LRBA: variants seen among roughly 807,000 people sequenced by gnomAD.
LRBA encodes lipopolysaccharide-responsive and beige-like anchor protein.
A neutral mutation model predicts 330.0 loss-of-function variants in LRBA; 176 were observed. The ratio of observed to expected loss-of-function variants is 0.53; its 90% CI spans 0.47 to 0.60. The LOEUF is 0.60. Ranked by LOEUF, LRBA falls within the 20% of genes least tolerant of loss-of-function variation. The probability of loss-of-function intolerance (pLI) is 0.00; values close to 1 mark genes in which losing one functional copy is unlikely to be tolerated. For missense variants in LRBA, 3,259 were observed against 3,444.8 expected (o/e 0.95, Z 1.35); for synonymous variants, 1,230 against 1,193.0 (o/e 1.03, Z -0.64).
At position 150,683,709 on chromosome 4, in the gene LRBA, A is replaced by G. The variant is rs1160904476; in HGVS notation, c.5763T>C (p.Cys1921=). 1.2e-6 allele frequency: 2 copies of G among 1,604,738 alleles called. No homozygotes were observed. Among genetic ancestry groups the G allele is most frequent in the Non-Finnish European group, 1.7e-6 (2 of 1,174,564 alleles). ...IHRHAEFESL[C]AQYSADKRED... ...CTCGTTTGTCTGCAGAATACTGGGCACACAGTGACTTGGAGAGAAAAAAAA... is the reference window on the plus strand; with the variant it reads ...CTCGTTTGTCTGCAGAATACTGGGCGCACAGTGACTTGGAGAGAAAAAAAA... Residue 1921 remains cysteine (C), a synonymous_variant, in exon 37 of 57, where the codon TGT becomes TGC. Transcript: ENST00000651943.
chr4:150,308,007 G>T (rs1730579632), intron 52 of LRBA, among the ~76,000 whole-genome samples: 2 of 152,026 alleles, frequency 1.3e-5, no homozygotes, highest in Non-Finnish European at 2.9e-5. Flanking sequence ...AAAATTAATT[G>T]TTCTATAAAC....
At chr4:150,504,313 A>G (rs1760738963) in intron 40 of LRBA, among the ~76,000 whole-genome samples, 2 of 152,224 alleles carry the variant, frequency 1.3e-5, no homozygotes, top group African/African-American at 4.8e-5. Flanking sequence ...AGTTGAAATG[A>G]AGGAAAAAAA....
chr4:150,466,263 C>A (rs1300338889), intron 44 of LRBA, among the ~76,000 whole-genome samples: 1 of 149,510 alleles, frequency 6.7e-6, no homozygotes, highest in Non-Finnish European at 1.5e-5. Context: ...TCCTGAACAT[C>A]TTCCTGGAAT....
At position 150,548,210 on chromosome 4, in the gene LRBA, T is replaced by G. The variant is rs115869304; in HGVS notation, c.6330+39838A>C. On this transcript the variant is annotated intron_variant, in intron 40 of 56. Transcript: ENST00000651943. ...ACATAATAATCAGCAGTCACTCTTC[T>G]TCCCTCAATCAGTTATCCTCTCTGT... is the stretch of plus-strand genomic sequence containing the variant. Among the ~76,000 whole-genome samples the G allele has an allele frequency of 4.3e-3, 649 of 152,268 alleles. 3 individuals are homozygous for G. Among genetic ancestry groups the G allele is most frequent in the African/African-American group, 0.015 (619 of 41,556 alleles).
At position 150,852,153 on chromosome 4, in the gene LRBA, C is replaced by A. The variant is rs778784893; in HGVS notation, c.3557G>T (p.Gly1186Val). ...AGTTTCTGGTGACATAGCTGAAGACCCTGATGCTGTCATAGTCTGAATTCC... is the reference window on the plus strand; with the variant it reads ...AGTTTCTGGTGACATAGCTGAAGACACTGATGCTGTCATAGTCTGAATTCC... ...DSGIQTMTAS[G>V]SSAMSPETTV... Residue 1186 changes from glycine (G) to valine (V), a missense_variant, in exon 23 of 57, where the codon GGG becomes GTG. By Grantham distance (109) the Gly-to-Val change is moderately radical (BLOSUM62 -3). Coordinates refer to ENST00000651943, the MANE Select transcript of LRBA (RefSeq NM_001364905.1). 1 of 1,613,986 alleles carries A rather than the reference C, an allele frequency of 6.2e-7. No individual in the cohort carries two copies. The highest frequency in any genetic ancestry group is 1.1e-5 in the South Asian group (1 of 91,070).
chr4:150,954,044 G>A (rs960129893), intron 2 of LRBA, among the ~76,000 whole-genome samples: 11 of 133,880 alleles, frequency 8.2e-5, no homozygotes, highest in African/African-American at 1.4e-4. Context: ...CTCTCCGCCC[G>A]GCAGCCACCC....
At chr4:150,648,170 A>AAAAAAAAAAAAAAAAAAAAAAAAAAC (rs1203233562) in intron 37 of LRBA, among the ~76,000 whole-genome samples, 1 of 144,188 alleles carries the variant, frequency 6.9e-6, no homozygotes, top group Non-Finnish European at 1.5e-5. Context: ...AAAAAAAAAA[A>AAAAAAAAAAAAAAAAAAAAAAAAAAC]AAAAAAACTA....
At chr4:150,650,613 C>T (rs529938149) in intron 37 of LRBA, among the ~76,000 whole-genome samples, 31 of 152,172 alleles carry the variant, frequency 2.0e-4, no homozygotes, top group African/African-American at 7.2e-4. Flanking sequence ...TGTACCAACC[C>T]ACTCATGCTA....
chr4:150,544,737 C>A (rs1363765543), intron 40 of LRBA, among the ~76,000 whole-genome samples: 1 of 152,134 alleles, frequency 6.6e-6, no homozygotes, highest in Non-Finnish European at 1.5e-5. Context: ...TGGGCCTGAC[C>A]CTCACACCCT....
chr4:150,721,197 C>T, intron 36 of LRBA: 1 of 507,098 alleles, frequency 2.0e-6, no homozygotes, highest in Non-Finnish European at 3.7e-6. Flanking sequence ...TGTGGAGCCT[C>T]TCCAAACAAT....
intron 13 of LRBA, 68 bp downstream of exon 13, chr4:150,905,770 T>C (rs1394392025): frequency 7.4e-7 from 1 of 1,349,030 alleles, no homozygotes; most frequent in African/African-American, 1.5e-5. Context: ...TCCTCTTAAT[T>C]ATCACTCTCC....
chr4:151,005,416 CA>C (rs1424889088), intron 2 of LRBA, among the ~76,000 whole-genome samples: 1 of 89,274 alleles, frequency 1.1e-5, no homozygotes, highest in Non-Finnish European at 1.9e-5. Context: ...TCAGCCCAGA[CA>C]ACAGTACAAG....
At chr4:150,613,995 C>T (rs563976489) in intron 37 of LRBA, among the ~76,000 whole-genome samples, 6 of 152,332 alleles carry the variant, frequency 3.9e-5, no homozygotes, top group Admixed American at 3.9e-4. Context: ...CTACCAGAGT[C>T]TTTAGTTTCA....
intron 46 of LRBA, among the ~76,000 whole-genome samples, chr4:150,434,613 T>G (rs1750855797): frequency 6.6e-6 from 1 of 152,126 alleles, no homozygotes; most frequent in African/African-American, 2.4e-5. Context: ...CCCAGCACTT[T>G]GGGTGGCTGA....
chr4:150,769,523 A>G (rs779705547), intron 34 of LRBA, among the ~76,000 whole-genome samples: 8 of 152,214 alleles, frequency 5.3e-5, no homozygotes, highest in Admixed American at 1.3e-4. Context: ...AGAAAAAACT[A>G]AAGTCATAAT....
intron 35 of LRBA, among the ~76,000 whole-genome samples, chr4:150,739,444 T>G (rs1306786619): frequency 6.6e-6 from 1 of 152,162 alleles, no homozygotes; most frequent in African/African-American, 2.4e-5. Flanking sequence ...TTGATACATT[T>G]CAATTAAACT....
At chr4:151,011,012 C>T (rs865871935) in intron 2 of LRBA, among the ~76,000 whole-genome samples, 3 of 151,876 alleles carry the variant, frequency 2.0e-5, no homozygotes, top group Middle Eastern at 3.2e-3. Context: ...ACGGTGAAAC[C>T]CCGTCTCTAC....
At chr4:150,727,169 G>A (rs1334611839) in intron 36 of LRBA, among the ~76,000 whole-genome samples, 10 of 136,324 alleles carry the variant, frequency 7.3e-5, no homozygotes, top group Admixed American at 7.1e-4. Flanking sequence ...CATCTTCCAC[G>A]TTCAAGCAAT....
chr4:150,719,314 T>C (rs968259680), intron 36 of LRBA, among the ~76,000 whole-genome samples: 1 of 151,740 alleles, frequency 6.6e-6, no homozygotes, highest in Non-Finnish European at 1.5e-5. Flanking sequence ...ACCACCACAA[T>C]CACTAAATTT....
Sources: allele counts gnomAD v4.1 joint callset (sites outside exome capture counted in the v4.1 genomes callset), GRCh38; gene constraint gnomAD v4.1.1; transcripts MANE v1.5; gene names NCBI Gene and HGNC (gene_info 2026-07-23, HGNC 2026-07-21).